YWHAE: variants seen among roughly 807,000 people sequenced by gnomAD.
YWHAE encodes tyrosine 3-monooxygenase/tryptophan 5-monooxygenase activation protein epsilon.
YWHAE carries 4 observed loss-of-function variants against 30.1 expected under a neutral mutation model. That is an observed-to-expected ratio of 0.13 (90% confidence interval 0.07 to 0.30). The LOEUF (loss-of-function observed/expected upper bound fraction) is 0.30. Among genes scored for constraint, YWHAE ranks in the 10% least tolerant of loss-of-function variants. YWHAE has a pLI of 1.00. For missense variants in YWHAE, 121 were observed against 315.9 expected (o/e 0.38, Z 4.68); for synonymous variants, 118 against 111.8 (o/e 1.06, Z -0.35).
chr17:1,354,150 A>G (rs2072688237), intron 5 of YWHAE, 61 bp downstream of exon 5: 2 of 1,585,008 alleles, frequency 1.3e-6, no homozygotes, highest in Admixed American at 1.8e-5. Flanking sequence ...GAATGTCTAA[A>G]GAGAGTACAA....
chr17:1,399,184 G>A (rs1026493004), intron 1 of YWHAE: 1 of 152,120 alleles, frequency 6.6e-6, no homozygotes, highest in Non-Finnish European at 1.5e-5. Flanking sequence ...CAGAGTCGTG[G>A]CCTCCTGGTT....
intron 1 of YWHAE, among the ~76,000 whole-genome samples, chr17:1,391,127 A>C (rs999107561): frequency 4.6e-5 from 7 of 152,224 alleles, no homozygotes; most frequent in Non-Finnish European, 1.0e-4. Flanking sequence ...AAACCAACAC[A>C]CTAGGTGTTG....
intron 4 of YWHAE, among the ~76,000 whole-genome samples, chr17:1,356,215 C>CACA (rs1320076580): frequency 3.6e-4 from 49 of 135,646 alleles, no homozygotes; most frequent in African/African-American, 1.3e-3. Context: ...CACACACACA[C>CACA]AAAATTAGCC....
At chr17:1,377,745 T>C (rs1256155829) in intron 1 of YWHAE, among the ~76,000 whole-genome samples, 3 of 152,182 alleles carry the variant, frequency 2.0e-5, no homozygotes, top group Non-Finnish European at 4.4e-5. Flanking sequence ...AACTCAAATG[T>C]CTTACTATGT....
chr17:1,366,054 A>G (rs2072937006), intron 1 of YWHAE, among the ~76,000 whole-genome samples: 2 of 151,988 alleles, frequency 1.3e-5, no homozygotes, highest in South Asian at 2.1e-4. Flanking sequence ...TGTCTCTACT[A>G]AAAATACAAA....
At chr17:1,396,772 C>T (rs1261306803) in intron 1 of YWHAE, among the ~76,000 whole-genome samples, 1 of 151,618 alleles carries the variant, frequency 6.6e-6, no homozygotes, top group Non-Finnish European at 1.5e-5. Context: ...ATTACAGGCA[C>T]CCACCACCCC....
chr17:1,387,527 A>C (rs1390878253), intron 1 of YWHAE, among the ~76,000 whole-genome samples: 1 of 152,208 alleles, frequency 6.6e-6, no homozygotes, highest in East Asian at 1.9e-4. Flanking sequence ...CCTTGGGTCC[A>C]ATTCGGTTTA....
chr17:1,383,634 C>T (rs1355198488), intron 1 of YWHAE, among the ~76,000 whole-genome samples: 3 of 151,782 alleles, frequency 2.0e-5, no homozygotes, highest in Admixed American at 6.6e-5. Context: ...GTGATCCACC[C>T]GCCTCGGCCT....
At chr17:1,373,678 A>G (rs1313529238) in intron 1 of YWHAE, among the ~76,000 whole-genome samples, 1 of 152,052 alleles carries the variant, frequency 6.6e-6, no homozygotes, top group Non-Finnish European at 1.5e-5. Context: ...AAAAAAAAAA[A>G]AGAAAAGTTT....
At chr17:1,366,927 G>GT (rs1350365652) in intron 1 of YWHAE, among the ~76,000 whole-genome samples, 1 of 152,034 alleles carries the variant, frequency 6.6e-6, no homozygotes, top group Non-Finnish European at 1.5e-5. Context: ...GGGTGACAGA[G>GT]TGAGACTCCG....
chr17:1,370,330 A>T (rs567922175), intron 1 of YWHAE, among the ~76,000 whole-genome samples: 25 of 151,352 alleles, frequency 1.7e-4, no homozygotes, highest in Admixed American at 1.1e-3. Context: ...GCGGGGTTTC[A>T]CCATGTTAGC....
At chr17:1,346,678 C>T (rs1011215414) in intron 5 of YWHAE, among the ~76,000 whole-genome samples, 1 of 152,280 alleles carries the variant, frequency 6.6e-6, no homozygotes, top group South Asian at 2.1e-4. Flanking sequence ...CACAGTGAAG[C>T]CCTGTCTCTA....
intron 1 of YWHAE, among the ~76,000 whole-genome samples, chr17:1,393,414 G>A (rs2073418496): frequency 6.6e-6 from 1 of 152,002 alleles, no homozygotes; most frequent in Non-Finnish European, 1.5e-5. Flanking sequence ...TCCCAGTACA[G>A]ACATTATGAT....
chr17:1,370,012 T>C (rs1208566381), intron 1 of YWHAE, among the ~76,000 whole-genome samples: 1 of 151,620 alleles, frequency 6.6e-6, no homozygotes, highest in African/African-American at 2.4e-5. Flanking sequence ...AAGGCTGGAG[T>C]GGCCGTGGCA....
chr17:1,392,382 G>C (rs1210143208), intron 1 of YWHAE, among the ~76,000 whole-genome samples: 1 of 152,018 alleles, frequency 6.6e-6, no homozygotes, highest in African/African-American at 2.4e-5. Context: ...TCTCAAAAAA[G>C]TATATGTATC....
At chr17:1,374,602 T>C (rs990488111) in intron 1 of YWHAE, among the ~76,000 whole-genome samples, 2 of 152,152 alleles carry the variant, frequency 1.3e-5, no homozygotes, top group Non-Finnish European at 2.9e-5. Context: ...ACTTGTTAGT[T>C]ATTCTTTAAA....
rs1191242553 is a variant in YWHAE at position 1,347,953 on chromosome 17, G to A, written c.716-2454C>T. 19 of 1,007,880 alleles carry A rather than the reference G, an allele frequency of 1.9e-5. No individual in the cohort carries two copies. In the South Asian group the frequency reaches 4.2e-4, roughly 22 times the overall value. The allele number at this position is 1,007,880 out of a possible 1,614,324, so 62.4% of individuals were successfully genotyped here. A position where few individuals can be genotyped will look rare whatever the true frequency, so the allele number is the denominator to read the frequency against. ...AAGCGGAATTCACTGTGCCATGAAC[G>A]TGACTTACAAAGTAGAGTTTTTAGG... On this transcript the variant is annotated intron_variant, in intron 5 of 5. Transcript: ENST00000264335.
At chr17:1,352,211 G>A (rs970088624) in intron 5 of YWHAE, 1 of 152,172 alleles carries the variant, frequency 6.6e-6, no homozygotes, top group East Asian at 1.9e-4. Context: ...TGGCACTGTT[G>A]CAAGTGTGTA....
intron 4 of YWHAE, among the ~76,000 whole-genome samples, chr17:1,356,215 C>CACACACACACACA (rs1320076580): frequency 6.6e-5 from 9 of 135,648 alleles, no homozygotes; most frequent in African/African-American, 2.5e-4. Context: ...CACACACACA[C>CACACACACACACA]AAAATTAGCC....
Sources: gnomAD v4.1 joint callset for allele counts (sites outside exome capture counted in the v4.1 genomes callset) on GRCh38, gnomAD v4.1.1 for gene constraint, MANE v1.5 for transcripts, NCBI Gene and HGNC (gene_info 2026-07-23, HGNC 2026-07-21) for gene names.